SRPK2: variants seen among roughly 807,000 people sequenced by gnomAD.
SRPK2 encodes the protein SFRS protein kinase 2.
In SRPK2, 21 loss-of-function variants were observed where a neutral mutation model predicts 90.8. The observed-to-expected ratio is 0.23, with a 90% confidence interval of 0.16 to 0.33. The LOEUF (loss-of-function observed/expected upper bound fraction) is 0.33, where lower values mean the gene tolerates loss of function less well. Ranked by LOEUF, SRPK2 falls within the 10% of genes least tolerant of loss-of-function variation. The probability of loss-of-function intolerance (pLI) is 1.00; values close to 1 mark genes in which losing one functional copy is unlikely to be tolerated. For missense variants in SRPK2, 620 were observed against 869.0 expected, an observed-to-expected ratio of 0.71 and a Z score of 3.60; for synonymous variants, 288 against 311.1, an observed-to-expected ratio of 0.93 and a Z score of 0.78.
intron 6 of SRPK2, among the ~76,000 whole-genome samples, chr7:105,166,597 C>A (rs1425160321): frequency 6.6e-6 from 1 of 152,122 alleles, no homozygotes; most frequent in Non-Finnish European, 1.5e-5. Context: ...GTAGTATGAT[C>A]TCTTTCTTAT....
rs151136643 is a variant in SRPK2, at chr7:105,237,508, C to T, written c.72-33723G>A. 2.7e-3 allele frequency among the ~76,000 whole-genome samples: 408 copies of T among 152,300 alleles called. 2 individuals are homozygous for T. Among genetic ancestry groups the T allele is most frequent in the Admixed American group, 0.018 (279 of 15,308 alleles). On this transcript the variant is annotated intron_variant, in intron 2 of 15. Transcript: ENST00000393651. ...AGCTCAGAGGAGCGAACAGTCTAAA[C>T]TGATCATTATTCTGGAGCCCAGATA...
chr7:105,177,760 C>T (rs1284392460), intron 3 of SRPK2, among the ~76,000 whole-genome samples: 3 of 152,104 alleles, frequency 2.0e-5, no homozygotes, highest in Non-Finnish European at 2.9e-5. Context: ...CGGTGGCTCA[C>T]GCCTGTAATC....
intron 3 of SRPK2, among the ~76,000 whole-genome samples, chr7:105,178,691 G>A (rs937591850): frequency 4.6e-5 from 7 of 152,142 alleles, no homozygotes; most frequent in Admixed American, 1.3e-4. Context: ...GCATGGTGGC[G>A]CATGCGTATG....
chr7:105,169,124 GA>G, intron 4 of SRPK2, 32 bp downstream of exon 4: 1 of 1,579,760 alleles, frequency 6.3e-7, no homozygotes, highest in African/African-American at 1.4e-5. Flanking sequence ...ACTACTCCAG[GA>G]AACAAATGCA....
intron 2 of SRPK2, among the ~76,000 whole-genome samples, chr7:105,295,056 A>G (rs1809604782): frequency 6.6e-6 from 1 of 151,854 alleles, no homozygotes; most frequent in East Asian, 1.9e-4. Flanking sequence ...ACTAAAAACA[A>G]AAAAAATCAG....
rs141167113 is a variant in SRPK2 at position 105,382,630 on chromosome 7, C to T, written c.71+6018G>A. ...ACATGGATGAATCTCAAGGGCATTA[C>T]GCTGCATGAAAAAAGGCGAATCACA... On this transcript the variant is annotated intron_variant, in intron 2 of 15. Coordinates refer to ENST00000393651, the MANE Select transcript of SRPK2 (RefSeq NM_182692.3). 1.9e-3 allele frequency among the ~76,000 whole-genome samples: 281 copies of T among 148,496 alleles called. 2 individuals carry two copies. Among genetic ancestry groups the T allele is most frequent in the African/African-American group, 6.7e-3 (272 of 40,546 alleles).
chr7:105,145,252 T>C (rs1330197631), intron 9 of SRPK2, 31 bp downstream of exon 9: 1 of 1,540,536 alleles, frequency 6.5e-7, no homozygotes, highest in Admixed American at 1.9e-5. Flanking sequence ...TTTAACATGG[T>C]GCATATAAAG....
rs1815465728 is a variant in SRPK2 at position 105,339,252 on chromosome 7, T to C, written c.71+49396A>G. 2.6e-5 allele frequency among the ~76,000 whole-genome samples: 4 copies of C among 152,220 alleles called. No homozygotes were observed. The South Asian group carries it at 8.3e-4, about 32-fold the overall frequency. On this transcript the variant is annotated intron_variant, in intron 2 of 15. Transcript: ENST00000393651. ...AGTTCTATGCCCAAAATACATGCCC[T>C]CAGGAATTTTGAATAGAGGTACAAA...
intron 2 of SRPK2, among the ~76,000 whole-genome samples, chr7:105,256,630 T>C (rs777351289): frequency 6.6e-6 from 1 of 152,144 alleles, no homozygotes; most frequent in Non-Finnish European, 1.5e-5. Context: ...AGCACTTGGA[T>C]TACAGGAATG....
At chr7:105,270,083 CA>C (rs1270672325) in intron 2 of SRPK2, among the ~76,000 whole-genome samples, 1 of 152,130 alleles carries the variant, frequency 6.6e-6, no homozygotes, top group African/African-American at 2.4e-5. Context: ...CCATAAAATA[CA>C]ATGGACCTGT....
At chr7:105,208,887 T>C (rs995171713) in intron 2 of SRPK2, among the ~76,000 whole-genome samples, 1 of 152,184 alleles carries the variant, frequency 6.6e-6, no homozygotes, top group Non-Finnish European at 1.5e-5. Flanking sequence ...TTTGGGACAC[T>C]GAGGCAGGAG....
chr7:105,257,171 T>C (rs941801312), intron 2 of SRPK2, among the ~76,000 whole-genome samples: 1 of 152,196 alleles, frequency 6.6e-6, no homozygotes, highest in Non-Finnish European at 1.5e-5. Flanking sequence ...GGCTAGTGCA[T>C]AGCAGCTGCT....
At chr7:105,241,213 C>CT (rs1294854938) in intron 2 of SRPK2, among the ~76,000 whole-genome samples, 1 of 152,102 alleles carries the variant, frequency 6.6e-6, no homozygotes, top group Non-Finnish European at 1.5e-5. Context: ...TTAGATGTTC[C>CT]TTCTTTAAAG....
upstream of SRPK2, among the ~76,000 whole-genome samples, chr7:105,390,554 G>A (rs1287778173): frequency 6.6e-6 from 1 of 150,818 alleles, no homozygotes; most frequent in Non-Finnish European, 1.5e-5. Flanking sequence ...TCAGTCTCCC[G>A]AGTAGCTGGG....
intron 3 of SRPK2, among the ~76,000 whole-genome samples, chr7:105,178,837 CA>C (rs1792355760): frequency 6.6e-6 from 1 of 151,896 alleles, no homozygotes; most frequent in African/African-American, 2.4e-5. Flanking sequence ...CAAGTAACAA[CA>C]AAAATTACTT....
intron 2 of SRPK2, chr7:105,268,857 T>A (rs758492668): frequency 6.3e-7 from 1 of 1,587,438 alleles, no homozygotes; most frequent in Non-Finnish European, 8.6e-7. Context: ...CAGCTCAATC[T>A]TCTGCTTGAT....
intron 2 of SRPK2, among the ~76,000 whole-genome samples, chr7:105,288,720 G>C (rs1808521299): frequency 6.6e-6 from 1 of 152,136 alleles, no homozygotes; most frequent in African/African-American, 2.4e-5. Context: ...GTTAGAAACA[G>C]AGAATCACAT....
At chr7:105,325,978 T>C (rs1035591007) in intron 2 of SRPK2, among the ~76,000 whole-genome samples, 2 of 152,206 alleles carry the variant, frequency 1.3e-5, no homozygotes, top group East Asian at 1.9e-4. Flanking sequence ...GGGCCTCGGA[T>C]AGCCTTGGCT....
At chr7:105,124,079 A>C (rs1800781118) in intron 15 of SRPK2, among the ~76,000 whole-genome samples, 1 of 152,250 alleles carries the variant, frequency 6.6e-6, no homozygotes, top group African/African-American at 2.4e-5. Flanking sequence ...AAGGTTGCTG[A>C]CAGGCCCACG....
Sources: gnomAD v4.1 joint callset for allele counts (sites outside exome capture counted in the v4.1 genomes callset) on GRCh38, gnomAD v4.1.1 for gene constraint, MANE v1.5 for transcripts, NCBI Gene and HGNC (gene_info 2026-07-23, HGNC 2026-07-21) for gene names.